Variants in FRMD4B observed in about 807,000 individuals in gnomAD.
FRMD4B encodes FERM domain containing 4B, also known as FERM domain-containing protein 4B.
FRMD4B carries 74 observed loss-of-function variants against 141.5 expected under a neutral mutation model. That is an observed-to-expected ratio of 0.52 (90% CI 0.43 to 0.63). The LOEUF (loss-of-function observed/expected upper bound fraction) is 0.63, where lower values mean the gene tolerates loss of function less well. Ranked by LOEUF, FRMD4B falls within the 30% of genes least tolerant of loss-of-function variation. The pLI, the probability that FRMD4B is intolerant of heterozygous loss-of-function variation, is 0.00. For missense variants in FRMD4B, 1,366 were observed against 1,253.4 expected (o/e 1.09, Z -1.36); for synonymous variants, 506 against 467.9 (o/e 1.08, Z -1.05).
chr3:69,512,591 C>T (rs1706706713), intron 1 of FRMD4B, among the ~76,000 whole-genome samples: 1 of 152,182 alleles, frequency 6.6e-6, no homozygotes, highest in African/African-American at 2.4e-5. Flanking sequence ...ATTTTTCAAA[C>T]ATGGCTTCCA....
At position 69,169,874 on chromosome 3, in the gene FRMD4B, C is replaced by A. The variant is rs920887006; in HGVS notation, c.*1987G>T. 1 of 152,152 alleles carries A rather than the reference C, an allele frequency of 6.6e-6. No individual in the cohort carries two copies. Among genetic ancestry groups the A allele is most frequent in the African/African-American group, 2.4e-5 (1 of 41,440 alleles). 9.4% of individuals were successfully genotyped at this position (152,152 alleles called of 1,614,324 possible). On this transcript the variant is annotated 3_prime_UTR_variant, in exon 23 of 23. Coordinates refer to ENST00000398540, the MANE Select transcript of FRMD4B (RefSeq NM_015123.3). ...GAACTAATTTCTTGAATTTAGAAGA[C>A]CTGTTTGCCAGTCTGTGAAATTAGT...
intron 1 of FRMD4B, among the ~76,000 whole-genome samples, chr3:69,441,507 T>C (rs1481941443): frequency 1.3e-5 from 2 of 152,158 alleles, no homozygotes; most frequent in Non-Finnish European, 2.9e-5. Context: ...CGTAATGACA[T>C]AGCTTCTTTA....
At chr3:69,178,511 A>C (rs898115999) in intron 21 of FRMD4B, among the ~76,000 whole-genome samples, 1 of 151,922 alleles carries the variant, frequency 6.6e-6, no homozygotes, top group Non-Finnish European at 1.5e-5. Flanking sequence ...CAGTCTCTAC[A>C]AAAAAATAAA....
chr3:69,224,427 C>A lies in FRMD4B; in HGVS notation c.665+180G>T, dbSNP rs114438232. Reference sequence around the variant, plus strand: ...AAGACACATCTTGGTACAATGATCTCCAGTAAGCTTTGAGTAGATCCTTTC... The same window carrying A: ...AAGACACATCTTGGTACAATGATCTACAGTAAGCTTTGAGTAGATCCTTTC... On this transcript the variant is annotated intron_variant, in intron 8 of 22. Coordinates refer to ENST00000398540, the MANE Select transcript of FRMD4B (RefSeq NM_015123.3). Among the ~76,000 whole-genome samples the A allele has an allele frequency of 2.4e-3, 365 of 152,312 alleles. 1 individual carries two copies. The highest frequency in any genetic ancestry group is 8.6e-3 in the African/African-American group (359 of 41,568).
chr3:69,219,829 G>A (rs2107740367), intron 9 of FRMD4B, among the ~76,000 whole-genome samples: 1 of 152,216 alleles, frequency 6.6e-6, no homozygotes, highest in South Asian at 2.1e-4. Context: ...GTCTCCATGT[G>A]TTCTCATTGT....
chr3:69,344,882 A>G (rs1384462354), intron 1 of FRMD4B, among the ~76,000 whole-genome samples: 2 of 152,236 alleles, frequency 1.3e-5, no homozygotes, highest in African/African-American at 4.8e-5. Context: ...GAACAAGAAC[A>G]GCTCCAGTCT....
Position 69,291,324 on chromosome 3 carries a change from C to A in FRMD4B, c.417-3488G>T, listed in dbSNP as rs188943109. Among the ~76,000 whole-genome samples the A allele has an allele frequency of 6.6e-5, 10 of 152,302 alleles. No homozygotes were observed. In the East Asian group the frequency reaches 1.9e-3, roughly 29 times the overall value. On this transcript the variant is annotated intron_variant, in intron 4 of 22. Transcript: ENST00000398540. Reference sequence around the variant, plus strand: ...GGGGTCAATGAATTTTCACACACAACAAAGCTCATAAGAATTTCTTAATAT... The same window carrying A: ...GGGGTCAATGAATTTTCACACACAAAAAAGCTCATAAGAATTTCTTAATAT...
rs1166691582 is a variant in FRMD4B, at chr3:69,396,064, G to T, written c.-1+36570C>A. Among the ~76,000 whole-genome samples, 4 of 152,296 alleles carry T rather than the reference G, an allele frequency of 2.6e-5. No individual in the cohort carries two copies. In the South Asian group the frequency reaches 8.3e-4, roughly 32 times the overall value. ...TATATTTTGGCAGAAAATGTTGGTT[G>T]TCTGTCCACCACCTATTCCCCTCTT... is the stretch of plus-strand genomic sequence containing the variant. On this transcript the variant is annotated intron_variant, in intron 2 of 5. Transcript: ENST00000459638.
chr3:69,413,758 G>A (rs1394159443), intron 2 of FRMD4B, among the ~76,000 whole-genome samples: 3 of 152,030 alleles, frequency 2.0e-5, no homozygotes, highest in Non-Finnish European at 2.9e-5. Flanking sequence ...GATGTGCAGC[G>A]TTTCACAAAG....
chr3:69,254,773 T>C (rs2093482815), intron 5 of FRMD4B, among the ~76,000 whole-genome samples: 1 of 152,076 alleles, frequency 6.6e-6, no homozygotes. Flanking sequence ...CAATATAACA[T>C]CACAGAACAC....
intron 4 of FRMD4B, among the ~76,000 whole-genome samples, chr3:69,297,886 A>G (rs1701082960): frequency 6.6e-6 from 1 of 151,028 alleles, no homozygotes; most frequent in African/African-American, 2.4e-5. Context: ...GGTCACACAC[A>G]TATTTAGCAC....
At chr3:69,512,647 G>A (rs756340915) in intron 1 of FRMD4B, among the ~76,000 whole-genome samples, 1 of 152,056 alleles carries the variant, frequency 6.6e-6, no homozygotes, top group Non-Finnish European at 1.5e-5. Flanking sequence ...CCTAGTCAAC[G>A]AGAATAGGGG....
intron 1 of FRMD4B, among the ~76,000 whole-genome samples, chr3:69,470,226 T>C (rs1705864559): frequency 1.3e-5 from 2 of 152,208 alleles, no homozygotes; most frequent in African/African-American, 4.8e-5. Flanking sequence ...GAAATCATAT[T>C]TACATTAATA....
intron 2 of FRMD4B, among the ~76,000 whole-genome samples, chr3:69,410,543 G>T (rs1704736111): frequency 6.6e-6 from 1 of 151,724 alleles, no homozygotes; most frequent in Non-Finnish European, 1.5e-5. Context: ...GCTCCACCTA[G>T]GGGCAGACTG....
At chr3:69,234,075 G>A (rs1269067436) in intron 7 of FRMD4B, among the ~76,000 whole-genome samples, 3 of 151,914 alleles carry the variant, frequency 2.0e-5, no homozygotes, top group East Asian at 1.9e-4. Flanking sequence ...GTGAAACTCC[G>A]TCTCTACTTA....
chr3:69,540,562 C>T (rs1701158346), intron 1 of FRMD4B, among the ~76,000 whole-genome samples: 1 of 137,076 alleles, frequency 7.3e-6, no homozygotes. Context: ...TGCAGTGAGC[C>T]GAGATCGGCC....
intron 5 of FRMD4B, among the ~76,000 whole-genome samples, chr3:69,252,116 A>C (rs2093466836): frequency 6.6e-6 from 1 of 152,234 alleles, no homozygotes; most frequent in African/African-American, 2.4e-5. Context: ...ACCTCAGACA[A>C]GTCACCTGAA....
intron 1 of FRMD4B, among the ~76,000 whole-genome samples, chr3:69,495,034 C>G (rs886221600): frequency 1.3e-5 from 2 of 151,990 alleles, no homozygotes; most frequent in African/African-American, 2.4e-5. Flanking sequence ...AATCTAGGCA[C>G]CCAAAATGTG....
In FRMD4B at chr3:69,180,534, G is replaced by C. The variant is rs1028285341; in HGVS notation, c.2851+365C>G. ...TGCCTGTCAACGTAAATCCTAAAAA[G>C]ACAAAGCAAGTGAAACCCCTAACAC... On this transcript the variant is annotated intron_variant, in intron 21 of 22. Transcript: ENST00000398540. 2.6e-5 allele frequency among the ~76,000 whole-genome samples: 4 copies of C among 151,910 alleles called. 1 individual carries two copies. Among genetic ancestry groups the C allele is most frequent in the Admixed American group, 2.6e-4 (4 of 15,252 alleles).
Sources: allele counts gnomAD v4.1 joint callset (sites outside exome capture counted in the v4.1 genomes callset), GRCh38; gene constraint gnomAD v4.1.1; transcripts MANE v1.5; gene names NCBI Gene and HGNC (gene_info 2026-07-23, HGNC 2026-07-21).